FAM20C: variants seen among roughly 807,000 people sequenced by gnomAD.
The protein encoded by FAM20C is FAM20C golgi associated secretory pathway kinase.
Under a neutral mutation model 51.5 loss-of-function variants are expected in FAM20C, and 40 were observed. The observed-to-expected ratio is 0.78, with a 90% CI of 0.60 to 1.01. FAM20C has a LOEUF of 1.01. FAM20C is among the 50% of genes least tolerant of loss of function. The pLI is 0.00. For missense variants in FAM20C, 861 were observed against 844.7 expected (o/e 1.02, Z -0.24); for synonymous variants, 406 against 380.6 (o/e 1.07, Z -0.78).
chr7:237,500 A>G (rs905584436), intron 3 of FAM20C, among the ~76,000 whole-genome samples: 1 of 152,126 alleles, frequency 6.6e-6, no homozygotes, highest in Non-Finnish European at 1.5e-5. Context: ...GATGGAGATA[A>G]TGGTGATGGT....
At chr7:214,921 G>A (rs530870759) in intron 3 of FAM20C, among the ~76,000 whole-genome samples, 13 of 152,064 alleles carry the variant, frequency 8.5e-5, no homozygotes, top group South Asian at 4.2e-4. Flanking sequence ...CCACAAACTC[G>A]GAGTGCCGGG....
At chr7:248,235 C>A in intron 4 of FAM20C, 80 bp from the exon 5 acceptor site, 1 of 1,012,752 alleles carries the variant, frequency 9.9e-7, no homozygotes, top group Non-Finnish European at 1.5e-6. Flanking sequence ...TCCCCTGCCC[C>A]GTTCTTATTT....
intron 3 of FAM20C, among the ~76,000 whole-genome samples, chr7:222,808 C>A (rs540140105): frequency 6.6e-6 from 1 of 151,920 alleles, no homozygotes; most frequent in African/African-American, 2.4e-5. Context: ...CCTGTGTATG[C>A]ATGTGTATGA....
rs146044561 is a variant in FAM20C, at chr7:248,069, C to A, written c.957-246C>A. On this transcript the variant is annotated intron_variant, in intron 4 of 9. Transcript: ENST00000313766. ...GCTTTAGCTATGCAGGCAGTTGGTG[C>A]TGTGTGCCCATCAGTGAGGCATCGC... Among the ~76,000 whole-genome samples the A allele has an allele frequency of 4.7e-3, 721 of 152,328 alleles. 6 individuals are homozygous for A. Among genetic ancestry groups the A allele is most frequent in the African/African-American group, 0.016 (673 of 41,580 alleles).
chr7:198,692 A>C (rs1785998490), intron 2 of FAM20C, among the ~76,000 whole-genome samples: 1 of 152,192 alleles, frequency 6.6e-6, no homozygotes, highest in Admixed American at 6.5e-5. Context: ...GTTGGGGCTT[A>C]AATGTGCAAA....
At chr7:207,335 G>A (rs1327878560) in intron 2 of FAM20C, among the ~76,000 whole-genome samples, 2 of 129,414 alleles carry the variant, frequency 1.5e-5, no homozygotes, top group Non-Finnish European at 3.3e-5. Flanking sequence ...TGTCCCCTCG[G>A]CCCCGCACAC....
Position 208,909 on chromosome 7 carries a change from G to T in FAM20C, c.796G>T (p.Gly266Trp), listed in dbSNP as rs796051875. 2.5e-6 allele frequency: 4 copies of T among 1,576,918 alleles called. No individual in the cohort carries two copies. Among genetic ancestry groups the T allele is most frequent in the Admixed American group, 3.7e-5 (2 of 54,486 alleles). ...CCTCCTTCCTGCAGCCATGAAGTCG[G>T]GGGGCACGCAGCTGAAGCTCATCAT... is the stretch of plus-strand genomic sequence containing the variant. The part of the protein sequence containing the change: ...QRITSVAMKS[G>W]GTQLKLIMTF... Residue 266 changes from glycine to tryptophan, a missense_variant, in exon 3 of 10, where the codon GGG (glycine) becomes TGG (tryptophan). By Grantham distance (184) the Gly-to-Trp change is radical. Coordinates refer to ENST00000313766, the MANE Select transcript of FAM20C (RefSeq NM_020223.4).
At chr7:253,609 T>C (rs36131999) in intron 5 of FAM20C, among the ~76,000 whole-genome samples, 63,693 of 148,662 alleles carry the variant, frequency 0.43, 13,837 homozygotes, top group East Asian at 0.57. Context: ...CCGTGGCTTC[T>C]TTGTGTAATT....
chr7:194,233 A>C, intron 1 of FAM20C: 1 of 163,620 alleles, frequency 6.1e-6, no homozygotes, highest in Non-Finnish European at 1.3e-5. Flanking sequence ...GAGTCTTTTA[A>C]ACCCAGTGGC....
Position 208,933 on chromosome 7 carries a change from A to G in FAM20C, c.820A>G (p.Met274Val), listed in dbSNP as rs777225574. Reference protein sequence around the residue: ...KSGGTQLKLIMTFQNYGQALF... With the variant: ...KSGGTQLKLIVTFQNYGQALF... ...GGGGGGCACGCAGCTGAAGCTCATC[A>G]TGACCTTCCAGAATTACGGGCAAGC... Residue 274 changes from methionine (M) to valine (V), a missense_variant, in exon 3 of 10, where the codon ATG becomes GTG. Coordinates refer to ENST00000313766, the MANE Select transcript of FAM20C (RefSeq NM_020223.4). 19 of 1,584,990 alleles carry G rather than the reference A, an allele frequency of 1.2e-5. No homozygotes were observed. Among genetic ancestry groups the G allele is most frequent in the Non-Finnish European group, 1.5e-5 (18 of 1,165,662 alleles).
At chr7:256,438 C>G (rs997795502) in intron 6 of FAM20C, 42 of 589,672 alleles carry the variant, frequency 7.1e-5, no homozygotes, top group Admixed American at 1.5e-4. Context: ...GAGGTGAAGG[C>G]AGCTCCAGGT....
rs1376832125 is a variant in FAM20C at position 195,459 on chromosome 7, A to G, written c.606-95A>G. The G allele has an allele frequency of 2.4e-6, 3 of 1,251,132 alleles. No individual in the cohort carries two copies. In the African/African-American group the frequency reaches 4.6e-5, roughly 19 times the overall value. The allele number at this position is 1,251,132 out of a possible 1,614,324, so 77.5% of individuals were successfully genotyped here. A position where few individuals can be genotyped will look rare whatever the true frequency, so the allele number is the denominator to read the frequency against. On this transcript the variant is annotated intron_variant, in intron 1 of 9. Coordinates refer to ENST00000313766, the MANE Select transcript of FAM20C (RefSeq NM_020223.4). ...ACACATCTGCACTTGCTTGAACCCA[A>G]AGTTAAAAACACTGGCGTCGGTGCC...
intron 3 of FAM20C, among the ~76,000 whole-genome samples, chr7:219,339 GC>G (rs1357460602): frequency 6.6e-6 from 1 of 151,912 alleles, no homozygotes; most frequent in African/African-American, 2.4e-5. Flanking sequence ...AGGACACCCA[GC>G]CCAGGACAGC....
intron 6 of FAM20C, chr7:256,452 G>A (rs1279537873): frequency 3.4e-6 from 2 of 595,620 alleles, no homozygotes; most frequent in East Asian, 5.6e-5. Context: ...TCCAGGTGGG[G>A]TCACCCCGAG....
chr7:208,806 A>G (rs1207105043), intron 2 of FAM20C, 92 bp from the exon 3 acceptor site: 8 of 1,304,384 alleles, frequency 6.1e-6, no homozygotes, highest in Non-Finnish European at 6.4e-6. Flanking sequence ...TGCCCAGAGG[A>G]CCCGGATTGC....
chr7:196,641 C>G (rs1785887116), intron 2 of FAM20C, among the ~76,000 whole-genome samples: 1 of 152,214 alleles, frequency 6.6e-6, no homozygotes, highest in Non-Finnish European at 1.5e-5. Context: ...TCATGTGTGT[C>G]TCAGAAGCAA....
At chr7:254,530 G>A (rs1788517525) in intron 5 of FAM20C, among the ~76,000 whole-genome samples, 2 of 152,254 alleles carry the variant, frequency 1.3e-5, no homozygotes, top group Admixed American at 6.5e-5. Context: ...TCCAGCATCA[G>A]AGCAGTGAAC....
rs574369381 is a variant in FAM20C, at chr7:203,290, A to G, written c.785-5608A>G. 7.1e-4 allele frequency among the ~76,000 whole-genome samples: 108 copies of G among 152,358 alleles called. 1 individual carries two copies. The highest frequency in any genetic ancestry group is 2.5e-3 in the African/African-American group (105 of 41,586). On this transcript the variant is annotated intron_variant, in intron 2 of 9. Coordinates refer to ENST00000313766, the MANE Select transcript of FAM20C (RefSeq NM_020223.4). ...AGTCCCGTCCCCAGGACCTGTGCCC[A>G]CACGCCTGGGCTTCTCCCACCAATG...
rs566131028 is a variant in FAM20C at position 226,602 on chromosome 7, G to A, written c.863+17626G>A. Among the ~76,000 whole-genome samples, 18 of 152,218 alleles carry A rather than the reference G, an allele frequency of 1.2e-4. 1 individual carries two copies. The highest frequency in any genetic ancestry group is 4.3e-4 in the African/African-American group (18 of 41,546). On this transcript the variant is annotated intron_variant, in intron 3 of 9. Coordinates refer to ENST00000313766, the MANE Select transcript of FAM20C (RefSeq NM_020223.4). ...GTTAAGAGACTCCACCCTCTCGCAG[G>A]TCTGTGGGGACGGGCACAGGCGGCC...
Sources: gnomAD v4.1 joint callset for allele counts (sites outside exome capture counted in the v4.1 genomes callset) on GRCh38, gnomAD v4.1.1 for gene constraint, MANE v1.5 for transcripts, NCBI Gene and HGNC (gene_info 2026-07-23, HGNC 2026-07-21) for gene names.